TSPOAP1: variants seen among roughly 807,000 people sequenced by gnomAD.
The protein encoded by TSPOAP1 is peripheral-type benzodiazepine receptor-associated protein 1.
A neutral mutation model predicts 197.0 loss-of-function variants in TSPOAP1; 87 were observed. The ratio of observed to expected loss-of-function variants is 0.44; its 90% CI spans 0.37 to 0.53. The LOEUF (loss-of-function observed/expected upper bound fraction) is 0.53. Ranked by LOEUF, TSPOAP1 falls within the 20% of genes least tolerant of loss-of-function variation. The probability of loss-of-function intolerance (pLI) is 0.00; values close to 1 mark genes in which losing one functional copy is unlikely to be tolerated. For missense variants in TSPOAP1, 2,174 were observed against 2,411.3 expected, an observed-to-expected ratio of 0.90 and a Z score of 2.06; for synonymous variants, 913 against 998.9, an observed-to-expected ratio of 0.91 and a Z score of 1.62.
At chr17:58,323,618 GC>G in intron 5 of TSPOAP1, 73 bp from the exon 6 acceptor site, 1 of 1,505,874 alleles carries the variant, frequency 6.6e-7, no homozygotes, top group Non-Finnish European at 9.0e-7. Context: ...AGCCCAGCCT[GC>G]CCAGAGCAGG....
intron 12 of TSPOAP1, 118 bp downstream of exon 12, chr17:58,319,991 C>T: frequency 7.3e-7 from 1 of 1,360,626 alleles, no homozygotes; most frequent in East Asian, 2.3e-5. Context: ...ATTCTCATGC[C>T]TGCTCCCAGT....
chr17:58,304,419 AGAG>A lies in TSPOAP1; in HGVS notation c.5545-23_5545-21del, dbSNP rs768480656. On this transcript the variant is annotated intron_variant, in intron 30 of 31. Transcript: ENST00000343736. This position sits in a 1 kb window ranked among gnomAD's most constrained non-coding sequence, Gnocchi z 4.2. ...CGTTCTCTGAGGACAGGGAACAAAG[AGAG>A]GAGATGGGTTACCGACAGACCCGCA... The A allele has an allele frequency of 2.5e-6, 4 of 1,610,390 alleles. No individual in the cohort carries two copies. Among genetic ancestry groups the A allele is most frequent in the South Asian group, 1.1e-5 (1 of 91,016 alleles).
At position 58,311,166 on chromosome 17, in the gene TSPOAP1, C is replaced by A. The variant is rs1421557901; in HGVS notation, c.3129G>T (p.Leu1043Phe). The change falls in exon 19 of 32, where the codon TTG becomes TTT. Residue 1043 changes from leucine (L) to phenylalanine (F), a missense_variant. Leu to Phe is a conservative substitution (Grantham distance 22). Transcript: ENST00000343736. ...ACACCTGCAGCAGCTGCAGCTGGGA[C>A]AACTCCACCAGTACACTGCCTGCCG... is the stretch of plus-strand genomic sequence containing the variant. ...SPTAGSVLVE[L>F]SQLQLLQVCR... The A allele has an allele frequency of 6.2e-7, 1 of 1,611,656 alleles. No individual in the cohort carries two copies. Among genetic ancestry groups the A allele is most frequent in the Non-Finnish European group, 8.5e-7 (1 of 1,179,544 alleles).
intron 26 of TSPOAP1, 140 bp downstream of exon 26, chr17:58,306,202 G>A: frequency 2.2e-6 from 2 of 894,096 alleles, no homozygotes; most frequent in South Asian, 2.9e-5. Flanking sequence ...ACCCAGAGGT[G>A]CCTCCCCAGA....
At chr17:58,319,356 C>A in intron 12 of TSPOAP1, 62 bp from the exon 13 acceptor site, 1 of 1,492,064 alleles carries the variant, frequency 6.7e-7, no homozygotes, top group South Asian at 1.3e-5. Flanking sequence ...CAGCCCGTGC[C>A]ATCTGTACAC....
intron 10 of TSPOAP1, among the ~76,000 whole-genome samples, chr17:58,321,556 C>T (rs1971406167): frequency 6.6e-6 from 1 of 152,202 alleles, no homozygotes; most frequent in African/African-American, 2.4e-5. Context: ...CCTTGGCCTC[C>T]CAAAGTGCTG....
chr17:58,307,556 G>A lies in TSPOAP1; in HGVS notation c.4983+55C>T, dbSNP rs2144033176. 7 of 1,585,066 alleles carry A rather than the reference G, an allele frequency of 4.4e-6. No homozygotes were observed. The East Asian group carries it at 6.8e-5, about 15-fold the overall frequency. On this transcript the variant is annotated intron_variant, in intron 24 of 31. Coordinates refer to ENST00000343736, the MANE Select transcript of TSPOAP1 (RefSeq NM_004758.4). Reference sequence around the variant, plus strand: ...ACCTCCAGTGGAGGAAAGGAGGGAGGAGGGAAGACCCAGCTGGTGTTTGGA... The same window carrying A: ...ACCTCCAGTGGAGGAAAGGAGGGAGAAGGGAAGACCCAGCTGGTGTTTGGA...
intron 14 of TSPOAP1, among the ~76,000 whole-genome samples, chr17:58,318,074 G>T (rs888598717): frequency 6.6e-5 from 10 of 152,186 alleles, no homozygotes; most frequent in Non-Finnish European, 1.3e-4. Flanking sequence ...GCCCCAGGTG[G>T]GGCTTGCAGG....
rs61739511 is a variant in TSPOAP1, at chr17:58,316,479, G to C, written c.1934C>G (p.Ala645Gly). Reference sequence around the variant, plus strand: ...GGCTCCTCCCCGGCTGCCCTCTGGCGCAGCTGGGAGCAGGGAGACACTGTC... The same window carrying C: ...GGCTCCTCCCCGGCTGCCCTCTGGCCCAGCTGGGAGCAGGGAGACACTGTC... ...EADSVSLLPA[A>G]PEGSRGGARI... is the part of the protein sequence containing the mutation. The change falls in exon 15 of 32, where the codon GCG becomes GGG. Residue 645 changes from alanine to glycine, a missense_variant. Around this residue, in one of 5 missense-constraint regions of TSPOAP1, gnomAD observed 1,933 missense variants for 2,139.0 expected, o/e 0.90. Transcript: ENST00000343736. The C allele has an allele frequency of 0.057, 91,481 of 1,613,514 alleles. 2,976 individuals are homozygous for C. The highest frequency in any genetic ancestry group is 0.095 in the South Asian group (8,678 of 91,024).
chr17:58,324,943 C>A lies in TSPOAP1; in HGVS notation c.810G>T (p.Arg270=). Residue 270 remains arginine (R), a synonymous_variant, in exon 5 of 32, where the codon CGG becomes CGT. Coordinates refer to ENST00000343736, the MANE Select transcript of TSPOAP1 (RefSeq NM_004758.4). The surrounding 1 kb of genome is among the most constrained non-coding windows in gnomAD (Gnocchi z 5.8). ...DFDRLLRESQ[R]EVLRLQRQIA... is the part of the protein sequence containing the mutation. ...TCTGCCTCTGCAGCCGCAGCACCTC[C>A]CGCTGGGACTCGCGCAGCAGCCGAT... The A allele has an allele frequency of 6.5e-7, 1 of 1,540,300 alleles. No individual in the cohort carries two copies. The highest frequency in any genetic ancestry group is 8.7e-7 in the Non-Finnish European group (1 of 1,145,374).
Position 58,322,690 on chromosome 17 carries a change from C to A in TSPOAP1, c.1281G>T (p.Leu427=), listed in dbSNP as rs745551041. The A allele has an allele frequency of 6.2e-7, 1 of 1,612,128 alleles. No individual in the cohort carries two copies. ...GCTCCAGGCTCTCCAGCTTGCTCTG[C>A]AGGCCCTGGCTCTTGCGAAGGGCTG... The part of the protein sequence containing the change: ...RDSALRKSQG[L]QSKLESLEQV... Residue 427 remains leucine, a synonymous_variant, in exon 9 of 32, where the codon CTG becomes CTT. Coordinates refer to ENST00000343736, the MANE Select transcript of TSPOAP1 (RefSeq NM_004758.4). The surrounding 1 kb of genome is among the most constrained non-coding windows in gnomAD (Gnocchi z 5.0).
Position 58,326,307 on chromosome 17 carries a change from T to C in TSPOAP1, c.556A>G (p.Thr186Ala), listed in dbSNP as rs1489506816. ...CCTTTCCTCACCACCCTCAGGTTCGTTTCCTGCAGCTTTCGGGCCCTCTCC... is the reference window on the plus strand; with the variant it reads ...CCTTTCCTCACCACCCTCAGGTTCGCTTCCTGCAGCTTTCGGGCCCTCTCC... Reference protein sequence around the residue: ...LEERARKLQETNLRVVSAPLP... With the variant: ...LEERARKLQEANLRVVSAPLP... Residue 186 changes from threonine (T) to alanine (A), a missense_variant, in exon 3 of 32, where the codon ACG (threonine) becomes GCG (alanine). Thr to Ala is a moderately conservative substitution (Grantham distance 58). Around this residue, in one of 5 missense-constraint regions of TSPOAP1, gnomAD observed 1,933 missense variants for 2,139.0 expected, o/e 0.90. Coordinates refer to ENST00000343736, the MANE Select transcript of TSPOAP1 (RefSeq NM_004758.4). This position sits in a 1 kb window ranked among gnomAD's most constrained non-coding sequence, Gnocchi z 4.7. 3.1e-6 allele frequency: 5 copies of C among 1,614,050 alleles called. No individual in the cohort carries two copies. The highest frequency in any genetic ancestry group is 4.2e-6 in the Non-Finnish European group (5 of 1,179,984).
rs951292254 is a variant in TSPOAP1 at position 58,310,429 on chromosome 17, G to C, written c.3699+83C>G. ...GACCAGAGCAGAGGACAGGCAGAGA[G>C]GGCAACTGGATTTGCGCTGGCAAAA... On this transcript the variant is annotated intron_variant, in intron 20 of 31. Coordinates refer to ENST00000343736, the MANE Select transcript of TSPOAP1 (RefSeq NM_004758.4). 9 of 1,565,538 alleles carry C rather than the reference G, an allele frequency of 5.7e-6. No individual in the cohort carries two copies. In the South Asian group the frequency reaches 1.1e-4, roughly 19 times the overall value.
At chr17:58,306,696 A>G (rs945502600) in intron 25 of TSPOAP1, 104 bp downstream of exon 25, 1 of 1,381,540 alleles carries the variant, frequency 7.2e-7, no homozygotes, top group Non-Finnish European at 9.9e-7. Flanking sequence ...GCTCTGCTAG[A>G]GTCTGGGTAA....
chr17:58,318,599 A>G, intron 13 of TSPOAP1, 147 bp from the exon 14 acceptor site: 1 of 753,274 alleles, frequency 1.3e-6, no homozygotes, highest in South Asian at 1.9e-5. Flanking sequence ...AACTTACTAA[A>G]TAGAGGTATA....
chr17:58,305,442 C>T lies in TSPOAP1; in HGVS notation c.5378G>A (p.Arg1793Gln), dbSNP rs775716686. Residue 1793 changes from arginine (R) to glutamine (Q), a missense_variant, in exon 29 of 32, where the codon CGG becomes CAG. Physicochemically the swap from Arg to Gln is conservative, Grantham distance 43 (BLOSUM62 1). This residue lies in a region of TSPOAP1 where 161 missense variants were observed against 159.1 expected (regional missense o/e 1.01). Coordinates refer to ENST00000343736, the MANE Select transcript of TSPOAP1 (RefSeq NM_004758.4). Reference protein sequence around the residue: ...NMDVEAELPFRAGDVITVFGG... With the variant: ...NMDVEAELPFQAGDVITVFGG... ...AAACACAGTAATGACATCCCCTGCC[C>T]GGAAGGGCAGCTCTGCCTGTGGAAA... 1.9e-5 allele frequency: 30 copies of T among 1,613,860 alleles called. No homozygotes were observed. The highest frequency in any genetic ancestry group is 7.7e-5 in the South Asian group (7 of 91,090).
chr17:58,306,887 C>T lies in TSPOAP1; in HGVS notation c.5065G>A (p.Ala1689Thr), dbSNP rs369347040. 1.5e-5 allele frequency: 24 copies of T among 1,613,494 alleles called. No homozygotes were observed. In the African/African-American group the frequency reaches 2.8e-4, roughly 19 times the overall value. The change falls in exon 25 of 32, where the codon GCT becomes ACT. Residue 1689 changes from alanine to threonine, a missense_variant. By Grantham distance (58) the Ala-to-Thr change is moderately conservative (BLOSUM62 0). This residue lies in a region of TSPOAP1 where 161 missense variants were observed against 159.1 expected (regional missense o/e 1.01). Transcript: ENST00000343736. ...RTGYIPCNMV[A>T]EVAVDSPAGR... ...GCAGGGCTGTCCACAGCCACCTCAG[C>T]CACCATGTTGCAGGGAATGTAGCCT...
At chr17:58,325,358 A>T in intron 4 of TSPOAP1, 176 bp downstream of exon 4, 1 of 796,774 alleles carries the variant, frequency 1.3e-6, no homozygotes, top group Non-Finnish European at 2.0e-6. Context: ...TCTGGGACTC[A>T]TGGCTCCACC....
At chr17:58,311,297 C>T in intron 18 of TSPOAP1, 84 bp from the exon 19 acceptor site, 1 of 1,547,562 alleles carries the variant, frequency 6.5e-7, no homozygotes, top group South Asian at 1.2e-5. Flanking sequence ...TGGCAGCTAA[C>T]TGACAGCAGT....
Sources: allele counts gnomAD v4.1 joint callset (sites outside exome capture counted in the v4.1 genomes callset), GRCh38; gene constraint gnomAD v4.1.1; regional missense constraint gnomAD v4.1.1; non-coding constraint Gnocchi (gnomAD v3.1); transcripts MANE v1.5; gene names NCBI Gene and HGNC (gene_info 2026-07-23, HGNC 2026-07-21).